Variants in APOL1 observed in about 807,000 individuals in gnomAD.
APOL1 encodes apolipoprotein L1.
Under a neutral mutation model 14.9 loss-of-function variants are expected in APOL1, and 17 were observed. The ratio of observed to expected loss-of-function variants is 1.14; its 90% CI spans 0.78 to 1.71. APOL1 has a LOEUF of 1.71. APOL1 is among the 40% of genes most tolerant of loss of function. The pLI is 0.00. For missense variants in APOL1, 523 were observed against 485.9 expected, an observed-to-expected ratio of 1.08 and a Z score of -0.72; for synonymous variants, 195 against 184.8, an observed-to-expected ratio of 1.05 and a Z score of -0.45.
At chr22:36,261,557 C>T (rs1569533997) in intron 4 of APOL1, 39 bp from the exon 5 acceptor site, 1 of 1,597,962 alleles carries the variant, frequency 6.3e-7, no homozygotes, top group East Asian at 2.2e-5. Flanking sequence ...TGCACTCCCA[C>T]ACTTTCCTCC....
intron 4 of APOL1, 57 bp from the exon 5 acceptor site, chr22:36,261,539 G>A (rs1218383582): frequency 1.3e-6 from 2 of 1,544,298 alleles, no homozygotes; most frequent in South Asian, 1.1e-5. Flanking sequence ...CTTATGCAAT[G>A]GCTGTTATGC....
chr22:36,265,682 C>A lies in APOL1; in HGVS notation c.846C>A (p.Asp282Glu). Residue 282 changes from aspartate to glutamate, a missense_variant, in exon 6 of 6, where the codon GAC (aspartate) becomes GAA (glutamate). Coordinates refer to ENST00000397278, the MANE Select transcript of APOL1 (RefSeq NM_003661.4). ...AACTCACACGAGGCATTGGGAAGGA[C>A]ATCCGTGCCCTCAGACGAGCCAGAG... ...TYQLTRGIGK[D>E]IRALRRARAN... The A allele has an allele frequency of 6.2e-7, 1 of 1,605,986 alleles. No individual in the cohort carries two copies. Among genetic ancestry groups the A allele is most frequent in the Non-Finnish European group, 8.5e-7 (1 of 1,175,470 alleles).
intron 5 of APOL1, among the ~76,000 whole-genome samples, chr22:36,264,434 G>C (rs1032106820): frequency 4.9e-4 from 74 of 152,124 alleles, no homozygotes; most frequent in African/African-American, 1.6e-3. Context: ...CCTCTCTTTG[G>C]GTAAAGTTCA....
chr22:36,261,639 A>C lies in APOL1; in HGVS notation c.231A>C (p.Glu77Asp), dbSNP rs1603482147. 1 of 1,614,050 alleles carries C rather than the reference A, an allele frequency of 6.2e-7. No individual in the cohort carries two copies. Among genetic ancestry groups the C allele is most frequent in the East Asian group, 2.2e-5 (1 of 44,892 alleles). The change falls in exon 5 of 6, where the codon GAA (glutamate) becomes GAC (aspartate). Residue 77 changes from glutamate to aspartate, a missense_variant. Transcript: ENST00000397278. ...FIEDAIKYFKEKVSTQNLLLL... is the reference protein window; with the variant it reads ...FIEDAIKYFKDKVSTQNLLLL... ...AGGATGCCATTAAGTATTTCAAGGAAAAAGTGAGCACACAGAATCTGCTAC... is the reference window on the plus strand; with the variant it reads ...AGGATGCCATTAAGTATTTCAAGGACAAAGTGAGCACACAGAATCTGCTAC...
At chr22:36,259,487 C>T (rs989662042) in intron 4 of APOL1, among the ~76,000 whole-genome samples, 1 of 152,190 alleles carries the variant, frequency 6.6e-6, no homozygotes, top group African/African-American at 2.4e-5. Flanking sequence ...GTCAGCTCTG[C>T]TCAGGAGCCG....
At position 36,265,403 on chromosome 22, in the gene APOL1, G is replaced by T; in HGVS notation, c.567G>T (p.Leu189=). 2 of 1,613,492 alleles carry T rather than the reference G, an allele frequency of 1.2e-6. No homozygotes were observed. The highest frequency in any genetic ancestry group is 1.7e-6 in the Non-Finnish European group (2 of 1,179,722). Residue 189 remains leucine, a synonymous_variant, in exon 6 of 6, where the codon CTG becomes CTT. Transcript: ENST00000397278. ...CTCTCAGCATTTCCTCTGGCATCCT[G>T]ACCCTCGTCGGCATGGGTCTGGCAC... ...SGSLSISSGI[L]TLVGMGLAPF...
chr22:36,266,068 C>G lies in APOL1; in HGVS notation c.*35C>G, dbSNP rs1403581130. The G allele has an allele frequency of 6.5e-7, 1 of 1,546,714 alleles. No homozygotes were observed. The highest frequency in any genetic ancestry group is 1.3e-5 in the South Asian group (1 of 79,198). On this transcript the variant is annotated 3_prime_UTR_variant, in exon 6 of 6. Transcript: ENST00000397278. The stretch of plus-strand genomic sequence containing the variant: ...AGGGCAGCCACCAGGAGAGATATGC[C>G]TGGCAGGGGCCAGGACAAAATGCAA...
At position 36,263,982 on chromosome 22, in the gene APOL1, G is replaced by C. The variant is rs376438934; in HGVS notation, c.315-1169G>C. ...TAGCAAAGCGTAATCAGACAGCAAG[G>C]GGGGAAGACCCTCCCTAAACTGACT... On this transcript the variant is annotated intron_variant, in intron 5 of 5. Transcript: ENST00000397278. Among the ~76,000 whole-genome samples the C allele has an allele frequency of 4.6e-5, 7 of 152,148 alleles. No homozygotes were observed. The East Asian group carries it at 9.6e-4, about 21-fold the overall frequency.
chr22:36,265,810 G>A lies in APOL1; in HGVS notation c.974G>A (p.Ser325Asn), dbSNP rs2016235712. 1 of 1,614,020 alleles carries A rather than the reference G, an allele frequency of 6.2e-7. No homozygotes were observed. The highest frequency in any genetic ancestry group is 8.5e-7 in the Non-Finnish European group (1 of 1,180,048). Reference sequence around the variant, plus strand: ...CAGGTGGAGAGGGTTAATGAACCCAGCATCCTGGAAATGAGCAGAGGAGTC... The same window carrying A: ...CAGGTGGAGAGGGTTAATGAACCCAACATCCTGGAAATGAGCAGAGGAGTC... ...GEQVERVNEP[S>N]ILEMSRGVKL... Residue 325 changes from serine to asparagine, a missense_variant, in exon 6 of 6, where the codon AGC (serine) becomes AAC (asparagine). Transcript: ENST00000397278.
At chr22:36,265,109 C>T (rs147234620) in intron 5 of APOL1, 42 bp from the exon 6 acceptor site, 1 of 1,608,500 alleles carries the variant, frequency 6.2e-7, no homozygotes, top group African/African-American at 1.3e-5. Flanking sequence ...CCACACCGAG[C>T]CAAAACTGCA....
chr22:36,265,873 T>C lies in APOL1; in HGVS notation c.1037T>C (p.Val346Ala). Residue 346 changes from valine to alanine, a missense_variant, in exon 6 of 6, where the codon GTG (valine) becomes GCG (alanine). Coordinates refer to ENST00000397278, the MANE Select transcript of APOL1 (RefSeq NM_003661.4). ...GTGGCCCCTGTAAGCTTCTTTCTTGTGCTGGATGTAGTCTACCTCGTGTAC... is the reference window on the plus strand; with the variant it reads ...GTGGCCCCTGTAAGCTTCTTTCTTGCGCTGGATGTAGTCTACCTCGTGTAC... ...TDVAPVSFFL[V>A]LDVVYLVYES... The C allele has an allele frequency of 6.2e-7, 1 of 1,614,172 alleles. No individual in the cohort carries two copies. The highest frequency in any genetic ancestry group is 1.1e-5 in the South Asian group (1 of 91,080).
At chr22:36,258,331 G>C (rs1052249719) in intron 4 of APOL1, among the ~76,000 whole-genome samples, 1 of 152,234 alleles carries the variant, frequency 6.6e-6, no homozygotes, top group Non-Finnish European at 1.5e-5. Flanking sequence ...TGCTGAATTG[G>C]GAAACAGCAA....
At chr22:36,255,448 C>T (rs1442717287) in intron 2 of APOL1, among the ~76,000 whole-genome samples, 1 of 152,270 alleles carries the variant, frequency 6.6e-6, no homozygotes, top group African/African-American at 2.4e-5. Flanking sequence ...AGGGATGCCC[C>T]TCTCCTGTCA....
intron 4 of APOL1, among the ~76,000 whole-genome samples, chr22:36,257,926 G>A (rs2015945200): frequency 6.6e-6 from 1 of 152,180 alleles, no homozygotes; most frequent in South Asian, 2.1e-4. Context: ...CAGCTTAACT[G>A]GACCCCGGTC....
intron 4 of APOL1, among the ~76,000 whole-genome samples, chr22:36,258,155 C>A (rs74904227): frequency 9.5e-4 from 145 of 152,288 alleles, no homozygotes; most frequent in African/African-American, 3.3e-3. Context: ...CCCGTCCCCC[C>A]CCAGCTGTGT....
intron 2 of APOL1, among the ~76,000 whole-genome samples, chr22:36,255,887 G>T (rs1285984467): frequency 6.6e-6 from 1 of 150,938 alleles, no homozygotes; most frequent in African/African-American, 2.4e-5. Context: ...CATCTTATTT[G>T]TACCCTCCCT....
At chr22:36,260,971 CAGGCAT>C (rs1431100952) in intron 4 of APOL1, among the ~76,000 whole-genome samples, 2 of 152,196 alleles carry the variant, frequency 1.3e-5, no homozygotes, top group African/African-American at 4.8e-5. Context: ...TTTGACCCAA[CAGGCAT>C]GTGGCAGATG....
chr22:36,265,499 C>A lies in APOL1; in HGVS notation c.663C>A (p.Thr221=), dbSNP rs201375679. ...AGTTGGGAATCACAGCCGCTTTGACCGGGATTACCAGCAGTACCATGGACT... is the reference window on the plus strand; with the variant it reads ...AGTTGGGAATCACAGCCGCTTTGACAGGGATTACCAGCAGTACCATGGACT... The part of the protein sequence containing the change: ...GMELGITAAL[T]GITSSTMDYG... The change falls in exon 6 of 6, where the codon ACC becomes ACA. Residue 221 remains threonine, a synonymous_variant. Transcript: ENST00000397278. The A allele has an allele frequency of 5.6e-6, 9 of 1,613,786 alleles. No individual in the cohort carries two copies. The highest frequency in any genetic ancestry group is 5.0e-5 in the Admixed American group (3 of 59,958).
intron 4 of APOL1, among the ~76,000 whole-genome samples, chr22:36,259,219 T>C (rs76939695): frequency 3.9e-5 from 6 of 152,346 alleles, no homozygotes; most frequent in Admixed American, 1.3e-4. Context: ...GTATTGCCTG[T>C]CCAGGAATGT....
Sources: gnomAD v4.1 joint callset for allele counts (sites outside exome capture counted in the v4.1 genomes callset) on GRCh38, gnomAD v4.1.1 for gene constraint, MANE v1.5 for transcripts, NCBI Gene and HGNC (gene_info 2026-07-23, HGNC 2026-07-21) for gene names.